STXBP5L: variants seen among roughly 807,000 people sequenced by gnomAD.
STXBP5L encodes syntaxin-binding protein 5-like.
Under a neutral mutation model 144.5 loss-of-function variants are expected in STXBP5L, and 65 were observed. That is an observed-to-expected ratio of 0.45 (90% confidence interval 0.37 to 0.55). The LOEUF is 0.55. STXBP5L is among the 20% of genes least tolerant of loss of function. STXBP5L has a pLI of 0.00. For synonymous variants in STXBP5L, 505 were observed against 469.6 expected (o/e 1.08, Z -0.97); for missense variants, 1,298 against 1,405.5 (o/e 0.92, Z 1.22).
chr3:121,077,585 C>A (rs946435018), intron 5 of STXBP5L, among the ~76,000 whole-genome samples: 1 of 152,096 alleles, frequency 6.6e-6, no homozygotes, highest in East Asian at 1.9e-4. Flanking sequence ...GGGACCTGAG[C>A]GGGTTGCCAC....
At chr3:121,406,503 ACCT>A (rs2108741387) in intron 22 of STXBP5L, among the ~76,000 whole-genome samples, 1 of 152,042 alleles carries the variant, frequency 6.6e-6, no homozygotes, top group Admixed American at 6.6e-5. Context: ...AGCCCAAACT[ACCT>A]CCTAAGCTTT....
At chr3:121,080,487 A>G (rs1204794370) in intron 5 of STXBP5L, among the ~76,000 whole-genome samples, 1 of 152,102 alleles carries the variant, frequency 6.6e-6, no homozygotes, top group Non-Finnish European at 1.5e-5. Flanking sequence ...AAGATTTAGA[A>G]CTTTAGAATT....
intron 2 of STXBP5L, among the ~76,000 whole-genome samples, chr3:120,925,480 C>G (rs936534837): frequency 3.9e-5 from 6 of 152,084 alleles, no homozygotes; most frequent in African/African-American, 1.4e-4. Context: ...TATAGCTACT[C>G]CTGCTCTTTT....
At chr3:121,050,918 A>T (rs1947926224) in intron 5 of STXBP5L, among the ~76,000 whole-genome samples, 1 of 152,204 alleles carries the variant, frequency 6.6e-6, no homozygotes, top group Admixed American at 6.5e-5. Context: ...AAACAAAAAA[A>T]AGCAGGGGTT....
At chr3:120,993,379 A>G (rs927948116) in intron 3 of STXBP5L, among the ~76,000 whole-genome samples, 2 of 151,798 alleles carry the variant, frequency 1.3e-5, no homozygotes, top group Admixed American at 6.6e-5. Context: ...TTAATAAATC[A>G]TTTCTTATAC....
chr3:121,221,854 T>A (rs1403433971), intron 10 of STXBP5L, among the ~76,000 whole-genome samples: 1 of 151,872 alleles, frequency 6.6e-6, no homozygotes, highest in Non-Finnish European at 1.5e-5. Context: ...TTTATATGTA[T>A]GTTTGTATAG....
intron 3 of STXBP5L, among the ~76,000 whole-genome samples, chr3:120,959,802 C>T (rs1005305820): frequency 3.9e-5 from 6 of 152,102 alleles, no homozygotes; most frequent in African/African-American, 1.4e-4. Context: ...CATAAAAACC[C>T]TAGAAGAAAA....
At chr3:120,998,291 G>T (rs1267486801) in intron 3 of STXBP5L, among the ~76,000 whole-genome samples, 2 of 152,152 alleles carry the variant, frequency 1.3e-5, no homozygotes, top group Non-Finnish European at 2.9e-5. Flanking sequence ...GAAGTTAAAT[G>T]ATCCCTGTTT....
At chr3:121,038,901 T>A (rs987098946) in intron 3 of STXBP5L, among the ~76,000 whole-genome samples, 1 of 151,978 alleles carries the variant, frequency 6.6e-6, no homozygotes, top group East Asian at 1.9e-4. Flanking sequence ...TATTAATATA[T>A]CTTTCCACCT....
chr3:121,109,666 A>C (rs1239370297), intron 5 of STXBP5L, among the ~76,000 whole-genome samples: 3 of 152,174 alleles, frequency 2.0e-5, no homozygotes, highest in Admixed American at 1.3e-4. Context: ...AGTAAGTCCC[A>C]TGTGGTGCTG....
chr3:121,249,479 T>C (rs1243335881), intron 14 of STXBP5L, among the ~76,000 whole-genome samples: 1 of 152,198 alleles, frequency 6.6e-6, no homozygotes, highest in Admixed American at 6.5e-5. Context: ...TGGTACTATT[T>C]TGTTATTTCC....
chr3:121,214,571 G>A (rs1018809185), intron 10 of STXBP5L, among the ~76,000 whole-genome samples: 1 of 152,138 alleles, frequency 6.6e-6, no homozygotes, highest in African/African-American at 2.4e-5. Context: ...TGGTCTGAAA[G>A]ACTGTTATGA....
intron 2 of STXBP5L, among the ~76,000 whole-genome samples, chr3:120,933,992 T>G (rs1382881433): frequency 6.6e-6 from 1 of 151,762 alleles, no homozygotes; most frequent in Non-Finnish European, 1.5e-5. Flanking sequence ...TTTCTTCTTG[T>G]AACTTCACAC....
chr3:121,074,645 C>T (rs1166475375), intron 5 of STXBP5L, among the ~76,000 whole-genome samples: 2 of 152,080 alleles, frequency 1.3e-5, no homozygotes, highest in Admixed American at 6.5e-5. Context: ...CTCATTTTCC[C>T]GCTGGCAAAA....
intron 3 of STXBP5L, among the ~76,000 whole-genome samples, chr3:120,962,448 T>C (rs532448476): frequency 3.5e-4 from 54 of 152,196 alleles, no homozygotes; most frequent in Admixed American, 7.8e-4. Flanking sequence ...TGAATTAATT[T>C]TTGTGTAAGG....
chr3:121,279,596 A>G (rs1391240572), intron 18 of STXBP5L, among the ~76,000 whole-genome samples: 1 of 151,842 alleles, frequency 6.6e-6, no homozygotes, highest in African/African-American at 2.4e-5. Flanking sequence ...ATTGCCGATC[A>G]TCCTTTTTTT....
intron 3 of STXBP5L, among the ~76,000 whole-genome samples, chr3:121,009,181 G>A (rs1009949945): frequency 2.6e-5 from 4 of 151,932 alleles, no homozygotes; most frequent in African/African-American, 7.2e-5. Flanking sequence ...TCACCAATTG[G>A]TCATCCTACT....
intron 3 of STXBP5L, among the ~76,000 whole-genome samples, chr3:120,971,860 G>C (rs190900051): frequency 3.3e-5 from 5 of 150,736 alleles, no homozygotes; most frequent in African/African-American, 1.2e-4. Flanking sequence ...ATATCCATGC[G>C]CACACATGCA....
chr3:121,397,896 G>A (rs531654557), intron 22 of STXBP5L, among the ~76,000 whole-genome samples: 13 of 152,336 alleles, frequency 8.5e-5, no homozygotes, highest in South Asian at 2.1e-4. Context: ...AATTGGCCAC[G>A]CAGACAGCCA....
Sources: gnomAD v4.1 joint callset for allele counts (sites outside exome capture counted in the v4.1 genomes callset) on GRCh38, gnomAD v4.1.1 for gene constraint, MANE v1.5 for transcripts, NCBI Gene and HGNC (gene_info 2026-07-23, HGNC 2026-07-21) for gene names.